COL24A1: variants seen among roughly 807,000 people sequenced by gnomAD.
COL24A1 encodes the protein collagen alpha-1(XXIV) chain.
A neutral mutation model predicts 253.9 loss-of-function variants in COL24A1; 224 were observed. The ratio of observed to expected loss-of-function variants is 0.88; its 90% CI spans 0.79 to 0.99. COL24A1 has a LOEUF of 0.99. Among genes scored for constraint, COL24A1 ranks in the 50% least tolerant of loss-of-function variants. COL24A1 has a pLI of 0.00. For missense variants in COL24A1, 2,131 were observed against 2,068.5 expected (o/e 1.03, Z -0.59); for synonymous variants, 685 against 673.7 (o/e 1.02, Z -0.26).
At chr1:86,093,391 T>C (rs543765981) in intron 5 of COL24A1, among the ~76,000 whole-genome samples, 2 of 152,186 alleles carry the variant, frequency 1.3e-5, no homozygotes. Context: ...AGGGAATCCT[T>C]TCCCCATTGC....
intron 47 of COL24A1, among the ~76,000 whole-genome samples, chr1:85,806,075 C>CAAAAAAAAA (rs59669169): frequency 2.1e-5 from 2 of 95,122 alleles, no homozygotes; most frequent in Non-Finnish European, 4.5e-5. Context: ...GACTCCGTCT[C>CAAAAAAAAA]AAAAAAAAAA....
At chr1:86,095,411 T>G (rs1281733559) in intron 5 of COL24A1, among the ~76,000 whole-genome samples, 4 of 152,094 alleles carry the variant, frequency 2.6e-5, no homozygotes. Context: ...TGTTTTAGAA[T>G]GGGAATTTCA....
At chr1:86,021,234 T>C (rs1215044912) in intron 18 of COL24A1, among the ~76,000 whole-genome samples, 1 of 152,210 alleles carries the variant, frequency 6.6e-6, no homozygotes, top group Non-Finnish European at 1.5e-5. Context: ...ATTATAATCC[T>C]ATATGTATTT....
At chr1:85,979,180 C>T (rs1050789722) in intron 20 of COL24A1, among the ~76,000 whole-genome samples, 11 of 152,116 alleles carry the variant, frequency 7.2e-5, no homozygotes, top group Admixed American at 2.6e-4. Flanking sequence ...CACTGGGATA[C>T]GGCAAAAGCA....
chr1:85,763,259 T>C (rs1667012397), intron 53 of COL24A1, among the ~76,000 whole-genome samples: 1 of 151,194 alleles, frequency 6.6e-6, no homozygotes, highest in Non-Finnish European at 1.5e-5. Flanking sequence ...TCTACTAAAA[T>C]ACAAAAAAAT....
At chr1:86,128,660 GTTTTCAATGTTT>G (rs1207742004) in intron 2 of COL24A1, among the ~76,000 whole-genome samples, 3 of 151,844 alleles carry the variant, frequency 2.0e-5, no homozygotes. Context: ...GCATATGTGT[GTTTTCAATGTTT>G]CTTTATATGT....
Position 86,156,470 on chromosome 1 carries a change from T to C in COL24A1, c.-74A>G. Reference sequence around the variant, plus strand: ...AACTCTGAACTGCTTAGGGTGCAGGTACTGTCCATGAAAAAGGGAAAAAAC... The same window carrying C: ...AACTCTGAACTGCTTAGGGTGCAGGCACTGTCCATGAAAAAGGGAAAAAAC... On this transcript the variant is annotated 5_prime_UTR_variant, in exon 1 of 60. Transcript: ENST00000370571. 7.3e-7 allele frequency: 1 copy of C among 1,366,192 alleles called. No homozygotes were observed. The highest frequency in any genetic ancestry group is 1.4e-5 in the South Asian group (1 of 70,066). 84.6% of individuals were successfully genotyped at this position (1,366,192 alleles called of 1,614,324 possible).
chr1:85,886,933 A>G (rs1223957786), intron 32 of COL24A1, among the ~76,000 whole-genome samples: 1 of 152,200 alleles, frequency 6.6e-6, no homozygotes, highest in East Asian at 1.9e-4. Context: ...ATGCTGATAT[A>G]GAGTACTCTT....
Position 86,057,986 on chromosome 1 carries a change from CA to C in COL24A1, c.1807-12del, listed in dbSNP as rs1242373192. 1 of 1,610,836 alleles carries C rather than the reference CA, an allele frequency of 6.2e-7. No homozygotes were observed. Among genetic ancestry groups the C allele is most frequent in the Non-Finnish European group, 8.5e-7 (1 of 1,178,190 alleles). On this transcript the variant is annotated splice_polypyrimidine_tract_variant and intron_variant, in intron 9 of 59. Transcript: ENST00000370571. ...TGGTCCAGCTAAACCCTGGTGTAAA[CA>C]AAAGACATTGTCATCATACTACAGT... is the stretch of plus-strand genomic sequence containing the variant.
At chr1:85,762,518 AAT>A (rs1666939258) in intron 53 of COL24A1, among the ~76,000 whole-genome samples, 1 of 152,200 alleles carries the variant, frequency 6.6e-6, no homozygotes, top group Non-Finnish European at 1.5e-5. Flanking sequence ...TGTTAAAATT[AAT>A]ACCAGTTAAT....
At chr1:85,816,735 A>G in intron 47 of COL24A1, 53 bp downstream of exon 47, 7 of 1,446,896 alleles carry the variant, frequency 4.8e-6, no homozygotes, top group Non-Finnish European at 6.8e-6. Context: ...ATGGTCTAGC[A>G]AGGAGACACA....
intron 7 of COL24A1, among the ~76,000 whole-genome samples, chr1:86,071,327 A>T (rs927664892): frequency 1.3e-5 from 2 of 152,164 alleles, no homozygotes; most frequent in African/African-American, 2.4e-5. Flanking sequence ...ACTGGAATGG[A>T]GGAAAGAAGG....
chr1:85,948,024 T>A (rs988248040), intron 24 of COL24A1, among the ~76,000 whole-genome samples: 56 of 152,302 alleles, frequency 3.7e-4, no homozygotes, highest in African/African-American at 1.3e-3. Context: ...TCCATCACTT[T>A]CTGTACTGTT....
At chr1:86,092,467 AT>A (rs996886378) in intron 5 of COL24A1, 147 bp from the exon 6 acceptor site, 3 of 557,874 alleles carry the variant, frequency 5.4e-6, no homozygotes, top group African/African-American at 4.0e-5. Context: ...TGGTTATTTC[AT>A]TTTTTAATGT....
intron 5 of COL24A1, among the ~76,000 whole-genome samples, chr1:86,095,677 A>C (rs1029555061): frequency 9.9e-5 from 15 of 152,086 alleles, no homozygotes; most frequent in Non-Finnish European, 1.9e-4. Context: ...GGAATTATAT[A>C]AAATACTTAT....
At chr1:85,849,719 A>G (rs893753696) in intron 37 of COL24A1, among the ~76,000 whole-genome samples, 3 of 152,182 alleles carry the variant, frequency 2.0e-5, no homozygotes, top group African/African-American at 4.8e-5. Flanking sequence ...ATTAAAGTTA[A>G]CCCATGCCTT....
rs180679355 is a variant in COL24A1 at position 86,029,283 on chromosome 1, G to C, written c.2049+2595C>G. Among the ~76,000 whole-genome samples, 4 of 152,292 alleles carry C rather than the reference G, an allele frequency of 2.6e-5. 1 individual carries two copies. In the East Asian group the frequency reaches 7.7e-4, roughly 29 times the overall value. On this transcript the variant is annotated intron_variant, in intron 14 of 59. Coordinates refer to ENST00000370571, the MANE Select transcript of COL24A1 (RefSeq NM_152890.7). ...AACGAAATTCTGGACTCTGGATTTA[G>C]ATCACCTGGCTTCAAATCTGGGCTC...
intron 5 of COL24A1, among the ~76,000 whole-genome samples, chr1:86,095,659 T>C (rs1467822979): frequency 6.6e-6 from 1 of 152,068 alleles, no homozygotes; most frequent in Non-Finnish European, 1.5e-5. Flanking sequence ...GTTTTTCAAA[T>C]CCCCTTTGGA....
At chr1:85,943,674 A>G (rs1016935925) in intron 24 of COL24A1, among the ~76,000 whole-genome samples, 1 of 152,242 alleles carries the variant, frequency 6.6e-6, no homozygotes, top group East Asian at 1.9e-4. Flanking sequence ...TAGACAACAT[A>G]TGTTTATAAA....
Sources: allele counts gnomAD v4.1 joint callset (sites outside exome capture counted in the v4.1 genomes callset), GRCh38; gene constraint gnomAD v4.1.1; transcripts MANE v1.5; gene names NCBI Gene and HGNC (gene_info 2026-07-23, HGNC 2026-07-21).